Variants in HS3ST4 observed in about 807,000 individuals in gnomAD.
HS3ST4 encodes the protein heparan sulfate glucosamine 3-O-sulfotransferase 4.
HS3ST4 carries 17 observed loss-of-function variants against 29.2 expected under a neutral mutation model. The ratio of observed to expected loss-of-function variants is 0.58; its 90% confidence interval spans 0.40 to 0.87. The LOEUF is 0.87. HS3ST4 is among the 40% of genes least tolerant of loss of function. HS3ST4 has a pLI of 0.00. For missense variants in HS3ST4, 627 were observed against 634.5 expected, an observed-to-expected ratio of 0.99 and a Z score of 0.13; for synonymous variants, 314 against 285.7, an observed-to-expected ratio of 1.10 and a Z score of -1.00.
At chr16:25,994,774 G>A (rs1399215535) in intron 1 of HS3ST4, among the ~76,000 whole-genome samples, 2 of 152,088 alleles carry the variant, frequency 1.3e-5, no homozygotes, top group Non-Finnish European at 2.9e-5. Flanking sequence ...TGTATCTCAC[G>A]AAAGCTCTTC....
chr16:25,770,288 A>G (rs903333681), intron 1 of HS3ST4, among the ~76,000 whole-genome samples: 1 of 151,286 alleles, frequency 6.6e-6, no homozygotes, highest in Non-Finnish European at 1.5e-5. Flanking sequence ...TCCTTCAAGT[A>G]ATCATGGCCT....
In HS3ST4 at chr16:26,005,258, T is replaced by C. The variant is rs906918120; in HGVS notation, c.735-130354T>C. 3.3e-5 allele frequency among the ~76,000 whole-genome samples: 5 copies of C among 152,202 alleles called. No individual in the cohort carries two copies. In the South Asian group the frequency reaches 1.0e-3, roughly 31 times the overall value. On this transcript the variant is annotated intron_variant, in intron 1 of 1. Coordinates refer to ENST00000331351, the MANE Select transcript of HS3ST4 (RefSeq NM_006040.3). ...GTAAAAGTGAAATTTTTAAATAATATAGCCCATCCTGAAAACGAAGGTGAC... is the reference window on the plus strand; with the variant it reads ...GTAAAAGTGAAATTTTTAAATAATACAGCCCATCCTGAAAACGAAGGTGAC...
chr16:25,905,405 A>G (rs1968169484), intron 1 of HS3ST4, among the ~76,000 whole-genome samples: 1 of 152,152 alleles, frequency 6.6e-6, no homozygotes, highest in Non-Finnish European at 1.5e-5. Flanking sequence ...TTGAGGAAGA[A>G]GGTGGATGCA....
At chr16:25,853,920 A>G (rs1967546849) in intron 1 of HS3ST4, among the ~76,000 whole-genome samples, 1 of 152,148 alleles carries the variant, frequency 6.6e-6, no homozygotes, top group Admixed American at 6.5e-5. Flanking sequence ...AAAAAGTGTG[A>G]GAAGGATTTA....
intron 1 of HS3ST4, among the ~76,000 whole-genome samples, chr16:25,741,934 C>G (rs1464211085): frequency 6.6e-6 from 1 of 152,044 alleles, no homozygotes; most frequent in Non-Finnish European, 1.5e-5. Flanking sequence ...CTGTTATTTA[C>G]TTTTTAATCT....
intron 1 of HS3ST4, among the ~76,000 whole-genome samples, chr16:25,706,640 CTGCTTTCTAACCCTCTG>C (rs988743460): frequency 3.3e-5 from 5 of 152,108 alleles, no homozygotes; most frequent in Admixed American, 2.6e-4. Flanking sequence ...GTGGCCTAAC[CTGCTTTCTAACCCTCTG>C]TGCTAGACAG....
chr16:26,043,430 A>G (rs189052067), intron 1 of HS3ST4, among the ~76,000 whole-genome samples: 2 of 152,298 alleles, frequency 1.3e-5, no homozygotes, highest in African/African-American at 4.8e-5. Context: ...GGGGAAGCCA[A>G]TCTTCTTGGG....
intron 1 of HS3ST4, among the ~76,000 whole-genome samples, chr16:26,082,958 A>G (rs1898741884): frequency 6.6e-6 from 1 of 152,238 alleles, no homozygotes; most frequent in African/African-American, 2.4e-5. Flanking sequence ...CATCCATCAC[A>G]GGGGTTTGTC....
chr16:26,066,900 G>A (rs1305427119), intron 1 of HS3ST4, among the ~76,000 whole-genome samples: 6 of 152,220 alleles, frequency 3.9e-5, no homozygotes, highest in Non-Finnish European at 1.5e-5. Flanking sequence ...ATGAATTCCT[G>A]TGGGGTTGTG....
chr16:25,864,247 A>G lies in HS3ST4; in HGVS notation c.734+171096A>G, dbSNP rs114899235. ...CATGATGTCTTGATATGCGTATGCA[A>G]TGTGAAATTATTAAATCAAGTTAGT... On this transcript the variant is annotated intron_variant, in intron 1 of 1. Coordinates refer to ENST00000331351, the MANE Select transcript of HS3ST4 (RefSeq NM_006040.3). Among the ~76,000 whole-genome samples, 1,196 of 152,332 alleles carry G rather than the reference A, an allele frequency of 7.9e-3. 11 individuals are homozygous for G. Among genetic ancestry groups the G allele is most frequent in the African/African-American group, 0.027 (1,133 of 41,574 alleles).
At chr16:25,820,710 C>CA in intron 1 of HS3ST4, among the ~76,000 whole-genome samples, 1 of 152,216 alleles carries the variant, frequency 6.6e-6, no homozygotes, top group East Asian at 1.9e-4. Context: ...GCTAGGACTA[C>CA]AAGCAAGCAC....
intron 1 of HS3ST4, among the ~76,000 whole-genome samples, chr16:26,056,441 T>C (rs1279104972): frequency 6.6e-6 from 1 of 152,216 alleles, no homozygotes; most frequent in African/African-American, 2.4e-5. Flanking sequence ...CAAGACAGTC[T>C]CTGAGCTGAG....
chr16:25,709,514 C>T (rs908907370), intron 1 of HS3ST4, among the ~76,000 whole-genome samples: 37 of 152,110 alleles, frequency 2.4e-4, no homozygotes, highest in Non-Finnish European at 5.1e-4. Context: ...AATCTTTCCC[C>T]GAAGTACAAC....
At chr16:26,061,348 C>T (rs543838679) in intron 1 of HS3ST4, among the ~76,000 whole-genome samples, 3 of 152,294 alleles carry the variant, frequency 2.0e-5, no homozygotes, top group East Asian at 3.9e-4. Context: ...TGTTGCTGAA[C>T]GGCGTGGTCC....
At chr16:26,004,268 C>A (rs964349909) in intron 1 of HS3ST4, among the ~76,000 whole-genome samples, 2 of 152,176 alleles carry the variant, frequency 1.3e-5, no homozygotes, top group South Asian at 4.1e-4. Flanking sequence ...GGATTGTATG[C>A]ACTTCTCTCT....
At chr16:25,721,128 AAG>A (rs1212384436) in intron 1 of HS3ST4, among the ~76,000 whole-genome samples, 6 of 152,222 alleles carry the variant, frequency 3.9e-5, no homozygotes, top group Admixed American at 6.5e-5. Context: ...GTCACAGACT[AAG>A]AGTTAGTAGT....
At chr16:25,712,214 A>C (rs1966420199) in intron 1 of HS3ST4, among the ~76,000 whole-genome samples, 1 of 152,130 alleles carries the variant, frequency 6.6e-6, no homozygotes, top group African/African-American at 2.4e-5. Flanking sequence ...TATAGAAATA[A>C]ATTGCAGGTA....
intron 1 of HS3ST4, among the ~76,000 whole-genome samples, chr16:25,796,889 C>G (rs543909578): frequency 6.6e-6 from 1 of 152,242 alleles, no homozygotes; most frequent in Non-Finnish European, 1.5e-5. Context: ...CCGGGCGTTG[C>G]GGTCGCATTG....
intron 1 of HS3ST4, among the ~76,000 whole-genome samples, chr16:25,993,950 G>C (rs763133011): frequency 0.028 from 34 of 1,198 alleles, no homozygotes; most frequent in Admixed American, 0.055. Flanking sequence ...ACATAACCTC[G>C]TGTGTGTGTG....
Sources: allele counts gnomAD v4.1 joint callset (sites outside exome capture counted in the v4.1 genomes callset), GRCh38; gene constraint gnomAD v4.1.1; transcripts MANE v1.5; gene names NCBI Gene and HGNC (gene_info 2026-07-23, HGNC 2026-07-21).